The following DIAPH3 variants were observed in gnomAD, a reference collection of about 807,000 sequenced individuals.
DIAPH3 encodes the protein protein diaphanous homolog 3.
A neutral mutation model predicts 144.3 loss-of-function variants in DIAPH3; 117 were observed. The ratio of observed to expected loss-of-function variants is 0.81; its 90% CI spans 0.70 to 0.95. The LOEUF (loss-of-function observed/expected upper bound fraction) is 0.95. Ranked by LOEUF, DIAPH3 falls within the 40% of genes least tolerant of loss-of-function variation. DIAPH3 has a pLI of 0.00. For synonymous variants in DIAPH3, 519 were observed against 488.9 expected (o/e 1.06, Z -0.81); for missense variants, 1,421 against 1,412.7 (o/e 1.01, Z -0.09).
At chr13:59,994,057 T>C (rs538127878) in intron 9 of DIAPH3, among the ~76,000 whole-genome samples, 3 of 151,888 alleles carry the variant, frequency 2.0e-5, no homozygotes, top group African/African-American at 7.2e-5. Context: ...AACAGTAGCA[T>C]GAAATTTAGA....
chr13:59,865,871 C>A (rs888696447), intron 21 of DIAPH3, among the ~76,000 whole-genome samples: 5 of 151,920 alleles, frequency 3.3e-5, no homozygotes, highest in African/African-American at 1.2e-4. Context: ...TAAGCATCTT[C>A]GTGATCTTCA....
At chr13:59,946,177 A>G (rs36098981) in intron 17 of DIAPH3, among the ~76,000 whole-genome samples, 3,379 of 152,314 alleles carry the variant, frequency 0.022, 56 homozygotes, top group Non-Finnish European at 0.032. Flanking sequence ...TGATCTAGTA[A>G]CTTTACAATC....
At chr13:60,019,609 T>A (rs376416080) in intron 5 of DIAPH3, among the ~76,000 whole-genome samples, 6 of 144,224 alleles carry the variant, frequency 4.2e-5, no homozygotes, top group African/African-American at 5.1e-5. Flanking sequence ...TAATAAAAAT[T>A]AAAAAAAAAA....
chr13:60,059,322 G>C (rs1021825431), intron 4 of DIAPH3, among the ~76,000 whole-genome samples: 1 of 151,910 alleles, frequency 6.6e-6, no homozygotes, highest in Non-Finnish European at 1.5e-5. Flanking sequence ...TCTACTCATT[G>C]ATAATTTATC....
chr13:60,154,656 TA>T (rs1331011667), intron 1 of DIAPH3, among the ~76,000 whole-genome samples: 3 of 152,152 alleles, frequency 2.0e-5, no homozygotes, highest in Non-Finnish European at 4.4e-5. Flanking sequence ...CTCCCAATGG[TA>T]AGGTATTTCA....
At chr13:59,948,159 A>G (rs2048898104) in intron 17 of DIAPH3, among the ~76,000 whole-genome samples, 1 of 152,176 alleles carries the variant, frequency 6.6e-6, no homozygotes, top group Non-Finnish European at 1.5e-5. Context: ...AACATTATGG[A>G]GACAGGATTC....
At chr13:60,093,914 G>A (rs1473247001) in intron 3 of DIAPH3, among the ~76,000 whole-genome samples, 182 bp from the exon 4 acceptor site, 1 of 152,168 alleles carries the variant, frequency 6.6e-6, no homozygotes, top group African/African-American at 2.4e-5. Context: ...AGAGAAGAAA[G>A]TATTCTAGAT....
chr13:60,143,444 T>C lies in DIAPH3; in HGVS notation c.181-10455A>G, dbSNP rs77374989. Among the ~76,000 whole-genome samples the C allele has an allele frequency of 9.8e-3, 1,492 of 152,260 alleles. 13 individuals are homozygous for C. Among genetic ancestry groups the C allele is most frequent in the African/African-American group, 0.033 (1,381 of 41,546 alleles). On this transcript the variant is annotated intron_variant, in intron 1 of 27. Transcript: ENST00000400324. ...ATGAGGCAAACAAGCATCTTCCCCA[T>C]AGGCTTGGTAGAAGACTTATAGAAA...
At chr13:59,858,047 T>C (rs1315700672) in intron 22 of DIAPH3, among the ~76,000 whole-genome samples, 3 of 152,134 alleles carry the variant, frequency 2.0e-5, no homozygotes, top group African/African-American at 4.8e-5. Flanking sequence ...TGAGATGCTA[T>C]GGAAATAGCA....
At chr13:59,756,749 A>C (rs1157144113) in intron 27 of DIAPH3, among the ~76,000 whole-genome samples, 2 of 152,154 alleles carry the variant, frequency 1.3e-5, no homozygotes, top group African/African-American at 4.8e-5. Flanking sequence ...ATTTCTTGCC[A>C]CTGGGATTTA....
At chr13:59,817,130 T>C (rs2040818308) in intron 24 of DIAPH3, among the ~76,000 whole-genome samples, 1 of 151,896 alleles carries the variant, frequency 6.6e-6, no homozygotes, top group Admixed American at 6.6e-5. Flanking sequence ...GTCTCTAGTA[T>C]GTAACCAATT....
chr13:59,871,197 G>C (rs1186491646), intron 21 of DIAPH3, among the ~76,000 whole-genome samples: 3 of 24,546 alleles, frequency 1.2e-4, no homozygotes, highest in Admixed American at 7.1e-4. Context: ...ATTTTTTTTG[G>C]GGGGGGGGGT....
chr13:59,737,733 A>C (rs1817456890), intron 27 of DIAPH3, among the ~76,000 whole-genome samples: 1 of 152,196 alleles, frequency 6.6e-6, no homozygotes, highest in African/African-American at 2.4e-5. Context: ...GGTTATTCTG[A>C]ATTCCAAATG....
At position 59,992,481 on chromosome 13, in the gene DIAPH3, T is replaced by A; in HGVS notation, c.1117A>T (p.Ile373Leu). Residue 373 changes from isoleucine (I) to leucine (L), a missense_variant, in exon 10 of 28, where the codon ATA (isoleucine) becomes TTA (leucine). By Grantham distance (5) the Ile-to-Leu change is conservative. Transcript: ENST00000400324. ...GACTGCAGGGCACTTACTGGCAATATCTCTTTCAATCCACAACGCATAAAT... is the reference window on the plus strand; with the variant it reads ...GACTGCAGGGCACTTACTGGCAATAACTCTTTCAATCCACAACGCATAAAT... ...NEFMRCGLKEILPNLKCIKND... is the reference protein window; with the variant it reads ...NEFMRCGLKELLPNLKCIKND... 6.2e-7 allele frequency: 1 copy of A among 1,611,130 alleles called. No homozygotes were observed. Among genetic ancestry groups the A allele is most frequent in the Non-Finnish European group, 8.5e-7 (1 of 1,178,530 alleles).
At position 59,748,244 on chromosome 13, in the gene DIAPH3, G is replaced by A. The variant is rs990933269; in HGVS notation, c.3319+25945C>T. 5.3e-5 allele frequency among the ~76,000 whole-genome samples: 8 copies of A among 152,290 alleles called. No individual in the cohort carries two copies. The South Asian group carries it at 1.4e-3, about 28-fold the overall frequency. ...CAGTTTTAGGCCCTTCAGATCTTTG[G>A]TCATTAGGGAAAAGAACTTTGGCAG... On this transcript the variant is annotated intron_variant, in intron 27 of 27. Coordinates refer to ENST00000400324, the MANE Select transcript of DIAPH3 (RefSeq NM_001042517.2).
chr13:60,094,805 A>G (rs1333232197), intron 3 of DIAPH3, among the ~76,000 whole-genome samples: 2 of 152,200 alleles, frequency 1.3e-5, no homozygotes, highest in African/African-American at 4.8e-5. Context: ...CCTTCATTTT[A>G]CCTTGATAGA....
chr13:60,124,438 C>A (rs753297847), intron 2 of DIAPH3, among the ~76,000 whole-genome samples: 6 of 152,140 alleles, frequency 3.9e-5, no homozygotes, highest in Non-Finnish European at 7.3e-5. Context: ...CAGTCCAACA[C>A]CTCACTATTT....
chr13:60,102,169 A>G (rs577113498), intron 3 of DIAPH3, among the ~76,000 whole-genome samples: 1 of 152,298 alleles, frequency 6.6e-6, no homozygotes, highest in South Asian at 2.1e-4. Context: ...TTTATGCTCG[A>G]GATCCCTTTT....
intron 27 of DIAPH3, among the ~76,000 whole-genome samples, chr13:59,683,563 T>C (rs1459150192): frequency 1.3e-5 from 2 of 151,762 alleles, no homozygotes; most frequent in Non-Finnish European, 2.9e-5. Context: ...AGGCAGGAAA[T>C]AAAAAGGAAG....
Sources: allele counts gnomAD v4.1 joint callset (sites outside exome capture counted in the v4.1 genomes callset), GRCh38; gene constraint gnomAD v4.1.1; transcripts MANE v1.5; gene names NCBI Gene and HGNC (gene_info 2026-07-23, HGNC 2026-07-21).